GOLGA1: variants seen among roughly 807,000 people sequenced by gnomAD.
The protein encoded by GOLGA1 is golgin subfamily A member 1.
GOLGA1 carries 63 observed loss-of-function variants against 119.7 expected under a neutral mutation model. That is an observed-to-expected ratio of 0.53 (90% CI 0.43 to 0.65). GOLGA1 has a LOEUF of 0.65. Among genes scored for constraint, GOLGA1 ranks in the 30% least tolerant of loss-of-function variants. The probability of loss-of-function intolerance (pLI) is 0.00; values close to 1 mark genes in which losing one functional copy is unlikely to be tolerated. For missense variants in GOLGA1, 798 were observed against 912.8 expected, an observed-to-expected ratio of 0.87 and a Z score of 1.62; for synonymous variants, 318 against 333.4, an observed-to-expected ratio of 0.95 and a Z score of 0.50.
At position 124,888,837 on chromosome 9, in the gene GOLGA1, C is replaced by T. The variant is rs569897622; in HGVS notation, c.1761+306G>A. Among the ~76,000 whole-genome samples, 1 of 152,270 alleles carries T rather than the reference C, an allele frequency of 6.6e-6. No individual in the cohort carries two copies. The highest frequency in any genetic ancestry group is 1.9e-4 in the East Asian group (1 of 5,174). On this transcript the variant is annotated intron_variant, in intron 18 of 22. Coordinates refer to ENST00000373555, the MANE Select transcript of GOLGA1 (RefSeq NM_002077.4). The surrounding 1 kb of genome is among the most constrained non-coding windows in gnomAD (Gnocchi z 4.4). ...GCCTCAGCCTCCCGAGTAGCTGGGA[C>T]TACAGGCACTCGCCACCACGCCTAG... is the stretch of plus-strand genomic sequence containing the variant.
intron 7 of GOLGA1, among the ~76,000 whole-genome samples, chr9:124,924,956 T>C (rs1036273432): frequency 3.9e-5 from 6 of 151,926 alleles, no homozygotes; most frequent in Non-Finnish European, 4.4e-5. Context: ...GGCGGGTGCC[T>C]GTAGTCCCAG....
chr9:124,914,085 T>A (rs1830390983), intron 10 of GOLGA1, among the ~76,000 whole-genome samples: 1 of 151,978 alleles, frequency 6.6e-6, no homozygotes, highest in Non-Finnish European at 1.5e-5. Flanking sequence ...AAAAAGCCAG[T>A]TTTGGCCATG....
At chr9:124,896,284 C>T (rs634232) in intron 15 of GOLGA1, among the ~76,000 whole-genome samples, 51,189 of 152,010 alleles carry the variant, frequency 0.34, 9,269 homozygotes, top group Middle Eastern at 0.46. Context: ...CATGGTGGCA[C>T]GTGCCTGTAG....
intron 10 of GOLGA1, among the ~76,000 whole-genome samples, chr9:124,919,792 G>T (rs970850508): frequency 2.0e-5 from 3 of 152,100 alleles, no homozygotes; most frequent in Non-Finnish European, 4.4e-5. Context: ...GTCAATGACT[G>T]AAGGATGCTA....
chr9:124,920,410 A>AGG (rs1449872795), intron 10 of GOLGA1, among the ~76,000 whole-genome samples: 7 of 151,826 alleles, frequency 4.6e-5, no homozygotes, highest in Non-Finnish European at 8.8e-5. Context: ...GAGAAACACT[A>AGG]CTTTATATTC....
intron 10 of GOLGA1, among the ~76,000 whole-genome samples, chr9:124,914,688 C>T (rs1457397268): frequency 6.6e-6 from 1 of 152,218 alleles, no homozygotes; most frequent in Non-Finnish European, 1.5e-5. Context: ...CTCTTTATCA[C>T]ATCCATTTAC....
intron 15 of GOLGA1, 97 bp from the exon 16 acceptor site, chr9:124,890,575 G>A: frequency 1.1e-6 from 1 of 905,860 alleles, no homozygotes; most frequent in Non-Finnish European, 1.8e-6. Flanking sequence ...TGGCTTTGCA[G>A]AGCCAGACCA....
chr9:124,901,567 TA>T (rs67270831), intron 12 of GOLGA1, among the ~76,000 whole-genome samples: 149,272 of 151,912 alleles, frequency 0.98, 73,391 homozygotes, highest in East Asian at 1. Flanking sequence ...CCTGAGTAGC[TA>T]GGGACTACAG....
chr9:124,887,109 G>C (rs997304613), intron 19 of GOLGA1, among the ~76,000 whole-genome samples: 11 of 152,208 alleles, frequency 7.2e-5, no homozygotes, highest in African/African-American at 2.7e-4. Flanking sequence ...CGCAGGTGTC[G>C]GGAAGGCAGT....
intron 3 of GOLGA1, among the ~76,000 whole-genome samples, chr9:124,937,664 C>T (rs1204444476): frequency 6.6e-6 from 1 of 151,270 alleles, no homozygotes; most frequent in Non-Finnish European, 1.5e-5. Flanking sequence ...AGAAATTTAT[C>T]TAACTTAAGA....
chr9:124,902,446 G>A lies in GOLGA1; in HGVS notation c.1066-1899C>T, dbSNP rs536491563. On this transcript the variant is annotated intron_variant, in intron 12 of 22. Transcript: ENST00000373555. ...TATTATTAAACATAAGCACAAGGAA[G>A]GCTGTATGCAGCTTGGTGAAGGAGA... Among the ~76,000 whole-genome samples the A allele has an allele frequency of 8.6e-5, 13 of 151,314 alleles. No homozygotes were observed. The South Asian group carries it at 2.7e-3, about 32-fold the overall frequency.
Position 124,879,880 on chromosome 9 carries a change from T to A in GOLGA1, c.*650A>T, listed in dbSNP as rs1829533427. On this transcript the variant is annotated 3_prime_UTR_variant, in exon 23 of 23. Coordinates refer to ENST00000373555, the MANE Select transcript of GOLGA1 (RefSeq NM_002077.4). ...GTATTTGGTACTAAGGGTCTTTTCA[T>A]ATATTTGCTAGTTTTCTTAAGTAAA... 2 of 152,640 alleles carry A rather than the reference T, an allele frequency of 1.3e-5. No individual in the cohort carries two copies. Among genetic ancestry groups the A allele is most frequent in the Non-Finnish European group, 2.9e-5 (2 of 68,066 alleles). The allele number at this position is 152,640 out of a possible 1,614,324, so 9.5% of individuals were successfully genotyped here.
chr9:124,946,964 C>T lies in GOLGA1; in HGVS notation c.-156+954G>A, dbSNP rs559549003. ...ATTAATCATAGCTGCTGCAAATATA[C>T]AAATTAACAACCTCCCGTTCCTCAC... On this transcript the variant is annotated intron_variant, in intron 1 of 4. Coordinates refer to the GOLGA1 transcript ENST00000421514. This position sits in a 1 kb window ranked among gnomAD's most constrained non-coding sequence, Gnocchi z 4.0. 1 of 152,132 alleles carries T rather than the reference C, an allele frequency of 6.6e-6. No individual in the cohort carries two copies. The highest frequency in any genetic ancestry group is 1.5e-5 in the Non-Finnish European group (1 of 68,008). The allele number at this position is 152,132 out of a possible 1,614,324, so 9.4% of individuals were successfully genotyped here.
In GOLGA1 at chr9:124,899,477, G is replaced by A. The variant is rs201106148; in HGVS notation, c.1163C>T (p.Ala388Val). 110 of 1,544,786 alleles carry A rather than the reference G, an allele frequency of 7.1e-5. 1 individual carries two copies. In the East Asian group the frequency reaches 2.5e-3, roughly 36 times the overall value. ...ATGGCTGCTCTCCTGGTTGGCGGCAGCCTGCGGGGAGACCAAAGGACGGTC... is the reference window on the plus strand; with the variant it reads ...ATGGCTGCTCTCCTGGTTGGCGGCAACCTGCGGGGAGACCAAAGGACGGTC... ...AAQETQIQEL[A>V]AANQESSHVQ... Residue 388 changes from alanine (A) to valine (V), a missense_variant and splice_region_variant, in exon 14 of 23, where the codon GCT becomes GTT. Physicochemically the swap from Ala to Val is moderately conservative, Grantham distance 64 (BLOSUM62 0). Transcript: ENST00000373555.
At chr9:124,894,447 G>T (rs1416799177) in intron 15 of GOLGA1, among the ~76,000 whole-genome samples, 1 of 152,078 alleles carries the variant, frequency 6.6e-6, no homozygotes, top group South Asian at 2.1e-4. Flanking sequence ...ATCCAGGCTG[G>T]AGTGCAGTGG....
At position 124,890,529 on chromosome 9, in the gene GOLGA1, G is replaced by A. The variant is rs762013178; in HGVS notation, c.1408-51C>T. 10 of 1,351,950 alleles carry A rather than the reference G, an allele frequency of 7.4e-6. No individual in the cohort carries two copies. The Admixed American group carries it at 1.2e-4, about 16-fold the overall frequency. 83.7% of individuals were successfully genotyped at this position (1,351,950 alleles called of 1,614,324 possible). On this transcript the variant is annotated intron_variant, in intron 15 of 22. Coordinates refer to ENST00000373555, the MANE Select transcript of GOLGA1 (RefSeq NM_002077.4). ...CCAAAACTTAGTTCACAGTTTTTTA[G>A]CTGTATGCCACGCAAGAAGCCCAGC...
intron 12 of GOLGA1, among the ~76,000 whole-genome samples, chr9:124,907,052 G>A (rs1321867399): frequency 6.6e-6 from 1 of 151,760 alleles, no homozygotes; most frequent in African/African-American, 2.4e-5. Context: ...AATAGTTAAA[G>A]TCAACCTTTG....
chr9:124,886,689 C>T (rs1046987284), intron 19 of GOLGA1, among the ~76,000 whole-genome samples: 1 of 151,954 alleles, frequency 6.6e-6, no homozygotes, highest in Non-Finnish European at 1.5e-5. Context: ...CAAGAAAAAA[C>T]GACCTAGGCA....
chr9:124,932,188 G>C (rs1439943086), intron 3 of GOLGA1, among the ~76,000 whole-genome samples: 6 of 152,030 alleles, frequency 3.9e-5, no homozygotes, highest in Non-Finnish European at 7.4e-5. Flanking sequence ...CAGACATCAT[G>C]GCATTTCATC....
Sources: allele counts gnomAD v4.1 joint callset (sites outside exome capture counted in the v4.1 genomes callset), GRCh38; gene constraint gnomAD v4.1.1; non-coding constraint Gnocchi (gnomAD v3.1); transcripts MANE v1.5; gene names NCBI Gene and HGNC (gene_info 2026-07-23, HGNC 2026-07-21).